The following CBFB variants were observed in gnomAD, a reference collection of about 807,000 sequenced individuals.
The protein encoded by CBFB is CBF-beta.
In CBFB, 9 loss-of-function variants were observed where a neutral mutation model predicts 30.4. That is an observed-to-expected ratio of 0.30 (90% CI 0.18 to 0.52). The LOEUF (loss-of-function observed/expected upper bound fraction) is 0.52. Among genes scored for constraint, CBFB ranks in the 20% least tolerant of loss-of-function variants. The pLI, the probability that CBFB is intolerant of heterozygous loss-of-function variation, is 0.97. For missense variants in CBFB, 170 were observed against 244.0 expected, an observed-to-expected ratio of 0.70 and a Z score of 2.02; for synonymous variants, 94 against 84.0, an observed-to-expected ratio of 1.12 and a Z score of -0.65.
chr16:67,056,700 T>A (rs1960734685), intron 3 of CBFB, among the ~76,000 whole-genome samples: 1 of 150,550 alleles, frequency 6.6e-6, no homozygotes, highest in African/African-American at 2.4e-5. Context: ...TTTTTTTTTT[T>A]AAGACAGAGT....
intron 4 of CBFB, among the ~76,000 whole-genome samples, chr16:67,073,038 G>C (rs1961277487): frequency 6.6e-6 from 1 of 152,098 alleles, no homozygotes; most frequent in Non-Finnish European, 1.5e-5. Flanking sequence ...CTTCATAAAA[G>C]TGCCCACAAT....
chr16:67,050,926 C>T (rs1260135196), intron 3 of CBFB, among the ~76,000 whole-genome samples: 1 of 152,186 alleles, frequency 6.6e-6, no homozygotes, highest in Non-Finnish European at 1.5e-5. Context: ...CTAATGGACA[C>T]ATTCCTTATA....
intron 5 of CBFB, among the ~76,000 whole-genome samples, chr16:67,095,125 G>T (rs1224017355): frequency 2.2e-5 from 3 of 134,742 alleles, no homozygotes; most frequent in Non-Finnish European, 4.6e-5. Flanking sequence ...CACGAGAATT[G>T]TTTGAACCTG....
Position 67,066,812 on chromosome 16 carries a change from A to G in CBFB, c.399+14A>G, listed in dbSNP as rs745438848. The stretch of plus-strand genomic sequence containing the variant: ...GAGCGAGCCCAGGTAGGGTAACATC[A>G]GGCTTTATTGAGCATGGTCCCTTTA... On this transcript the variant is annotated intron_variant, in intron 4 of 5. Transcript: ENST00000412916. The G allele has an allele frequency of 1.4e-5, 21 of 1,453,132 alleles. No homozygotes were observed. Among genetic ancestry groups the G allele is most frequent in the South Asian group, 1.1e-4 (10 of 87,790 alleles). 90.0% of individuals were successfully genotyped at this position (1,453,132 alleles called of 1,614,324 possible).
At chr16:67,033,664 T>C (rs1035248422) in intron 2 of CBFB, among the ~76,000 whole-genome samples, 3 of 149,886 alleles carry the variant, frequency 2.0e-5, no homozygotes, top group African/African-American at 7.4e-5. Flanking sequence ...CAGGCTGGAG[T>C]GCAGTGGCAC....
At chr16:67,056,575 C>T (rs1331358795) in intron 3 of CBFB, among the ~76,000 whole-genome samples, 4 of 151,912 alleles carry the variant, frequency 2.6e-5, no homozygotes, top group East Asian at 1.9e-4. Context: ...ATGTTTTTTT[C>T]CATTAACAGC....
chr16:67,038,249 T>C (rs1966473546), intron 3 of CBFB, among the ~76,000 whole-genome samples: 1 of 151,878 alleles, frequency 6.6e-6, no homozygotes, highest in African/African-American at 2.4e-5. Context: ...AATGTCTAAA[T>C]ATTCCTTTGA....
intron 3 of CBFB, among the ~76,000 whole-genome samples, chr16:67,053,922 A>G (rs1960639099): frequency 6.6e-6 from 1 of 151,546 alleles, no homozygotes; most frequent in Non-Finnish European, 1.5e-5. Flanking sequence ...GGAGTGAGTC[A>G]AAGCACATCA....
chr16:67,029,883 CG>C, intron 2 of CBFB, 70 bp downstream of exon 2: 1 of 1,033,320 alleles, frequency 9.7e-7, no homozygotes, highest in Non-Finnish European at 1.3e-6. Flanking sequence ...AGGCCGGTTC[CG>C]GACGGCGGCG....
intron 5 of CBFB, 55 bp downstream of exon 5, chr16:67,082,363 C>G: frequency 6.3e-7 from 1 of 1,597,782 alleles, no homozygotes. Context: ...CCCAAACTCT[C>G]AGGCTGTGTT....
intron 5 of CBFB, among the ~76,000 whole-genome samples, chr16:67,090,517 A>G (rs769505086): frequency 1.3e-5 from 2 of 152,230 alleles, no homozygotes; most frequent in Non-Finnish European, 2.9e-5. Context: ...AATAAAGGAC[A>G]GATTTCATGC....
At position 67,099,642 on chromosome 16, in the gene CBFB, A is replaced by G. The variant is rs1962161526; in HGVS notation, c.*864A>G. On this transcript the variant is annotated 3_prime_UTR_variant, in exon 6 of 6. Transcript: ENST00000412916. ...ATGAGTTTGGTTGGAGATATTCTCCATAGATGATCTTCTACTGAAATGCCT... is the reference window on the plus strand; with the variant it reads ...ATGAGTTTGGTTGGAGATATTCTCCGTAGATGATCTTCTACTGAAATGCCT... The G allele has an allele frequency of 4.9e-6, 1 of 203,354 alleles. No individual in the cohort carries two copies. The highest frequency in any genetic ancestry group is 1.0e-5 in the Non-Finnish European group (1 of 98,944). 12.6% of individuals were successfully genotyped at this position (203,354 alleles called of 1,614,324 possible). A position where few individuals can be genotyped will look rare whatever the true frequency, so the allele number is the denominator to read the frequency against.
In CBFB at chr16:67,067,992, A is replaced by ACTTTTC. The variant is rs1332975280; in HGVS notation, c.399+1196_399+1201dup. ...AGAACACAGAAGGTCCTTGCATGCT[A>ACTTTTC]CTTTTCCCTGGATGAACACAAGGTA... On this transcript the variant is annotated intron_variant, in intron 4 of 5. Transcript: ENST00000412916. Among the ~76,000 whole-genome samples the ACTTTTC allele has an allele frequency of 3.3e-5, 5 of 152,356 alleles. No homozygotes were observed. In the East Asian group the frequency reaches 9.6e-4, roughly 29 times the overall value.
At chr16:67,090,624 T>G (rs1961855260) in intron 5 of CBFB, among the ~76,000 whole-genome samples, 1 of 152,204 alleles carries the variant, frequency 6.6e-6, no homozygotes, top group Admixed American at 6.5e-5. Flanking sequence ...CCTAAAACTG[T>G]AATATAGCAC....
intron 5 of CBFB, among the ~76,000 whole-genome samples, chr16:67,088,888 A>G (rs1485186122): frequency 2.0e-5 from 3 of 152,172 alleles, no homozygotes; most frequent in African/African-American, 7.2e-5. Flanking sequence ...TAAGATTACT[A>G]AGGGGGGAAG....
At chr16:67,063,026 G>T (rs910748576) in intron 3 of CBFB, among the ~76,000 whole-genome samples, 1 of 152,078 alleles carries the variant, frequency 6.6e-6, no homozygotes, top group African/African-American at 2.4e-5. Context: ...TTCTAACAGG[G>T]TTTAAGATTA....
At chr16:67,076,004 G>A (rs1961384970) in intron 4 of CBFB, among the ~76,000 whole-genome samples, 1 of 152,104 alleles carries the variant, frequency 6.6e-6, no homozygotes, top group South Asian at 2.1e-4. Flanking sequence ...GGCCAAGGTG[G>A]GCAGATCACA....
intron 2 of CBFB, among the ~76,000 whole-genome samples, chr16:67,032,467 A>T (rs1037309689): frequency 2.0e-5 from 3 of 152,184 alleles, no homozygotes; most frequent in Non-Finnish European, 4.4e-5. Context: ...AAATAATGTA[A>T]CTATTGGTAT....
At chr16:67,098,540 G>C (rs1962121117) in intron 5 of CBFB, among the ~76,000 whole-genome samples, 170 bp from the exon 6 acceptor site, 1 of 152,004 alleles carries the variant, frequency 6.6e-6, no homozygotes, top group African/African-American at 2.4e-5. Context: ...AGTAAAATAT[G>C]TCAGACATAA....
Sources: allele counts gnomAD v4.1 joint callset (sites outside exome capture counted in the v4.1 genomes callset), GRCh38; gene constraint gnomAD v4.1.1; transcripts MANE v1.5; gene names NCBI Gene and HGNC (gene_info 2026-07-23, HGNC 2026-07-21).